COL6A1: variants seen among roughly 807,000 people sequenced by gnomAD.
COL6A1 encodes collagen type VI alpha 1 chain, also known as collagen alpha-1(VI) chain.
COL6A1 carries 80 observed loss-of-function variants against 145.6 expected under a neutral mutation model. The ratio of observed to expected loss-of-function variants is 0.55; its 90% confidence interval spans 0.46 to 0.66. COL6A1 has a LOEUF of 0.66. COL6A1 is among the 30% of genes least tolerant of loss of function. The pLI, the probability that COL6A1 is intolerant of heterozygous loss-of-function variation, is 0.00. For synonymous variants in COL6A1, 638 were observed against 622.8 expected, an observed-to-expected ratio of 1.02 and a Z score of -0.36; for missense variants, 1,364 against 1,473.8, an observed-to-expected ratio of 0.93 and a Z score of 1.22.
Position 45,994,228 on chromosome 21 carries a change from C to G in COL6A1, c.1397C>G (p.Pro466Arg), listed in dbSNP as rs746962124. Residue 466 changes from proline to arginine, a missense_variant and splice_region_variant, in exon 20 of 35, where the codon CCG (proline) becomes CGG (arginine). Pro to Arg is a moderately radical substitution (Grantham distance 103, BLOSUM62 -2). Transcript: ENST00000361866. The surrounding 1 kb of genome is among the most constrained non-coding windows in gnomAD (Gnocchi z 6.8). ...GGCCCCGTTGGTGTCCCTGGAGACC[C>G]GGTAGGAAGCGCTGTGGGGTTGGGG... ...REGPVGVPGD[P>R]GEAGPIGPKG... The G allele has an allele frequency of 3.7e-6, 6 of 1,608,726 alleles. No homozygotes were observed. The Admixed American group carries it at 1.0e-4, about 27-fold the overall frequency.
rs753573923 is a variant in COL6A1 at position 46,003,164 on chromosome 21, G to A, written c.2464+15G>A. 9 of 1,613,994 alleles carry A rather than the reference G, an allele frequency of 5.6e-6. No homozygotes were observed. Among genetic ancestry groups the A allele is most frequent in the South Asian group, 4.4e-5 (4 of 91,084 alleles). ...CACCTGCCCCAGTGAGTACCTCGGC[G>A]GCCGGGACACGTGGGGAGGAGGGCA... is the stretch of plus-strand genomic sequence containing the variant. On this transcript the variant is annotated intron_variant, in intron 34 of 34. Coordinates refer to ENST00000361866, the MANE Select transcript of COL6A1 (RefSeq NM_001848.3).
chr21:46,003,177 G>A, intron 34 of COL6A1, 28 bp downstream of exon 34: 1 of 1,613,962 alleles, frequency 6.2e-7, no homozygotes, highest in Non-Finnish European at 8.5e-7. Context: ...CGGGACACGT[G>A]GGGAGGAGGG....
chr21:46,000,471 T>C (rs1276182769), intron 28 of COL6A1, 104 bp downstream of exon 28: 2 of 1,399,876 alleles, frequency 1.4e-6, no homozygotes, highest in Non-Finnish European at 2.0e-6. Flanking sequence ...CCTGGGTCTC[T>C]GGGTACATCC....
intron 29 of COL6A1, 100 bp from the exon 30 acceptor site, chr21:46,001,153 T>G: frequency 1.3e-6 from 2 of 1,500,858 alleles, no homozygotes; most frequent in African/African-American, 1.4e-5. Context: ...ACGTGTCAGG[T>G]GAGGATGTGG....
At chr21:46,001,440 C>A in intron 30 of COL6A1, 54 bp downstream of exon 30, 1 of 1,597,748 alleles carries the variant, frequency 6.3e-7, no homozygotes, top group South Asian at 1.1e-5. Context: ...CCGACCCTGC[C>A]GGCCGCCCCT....
chr21:45,991,995 C>A lies in COL6A1; in HGVS notation c.1120-15C>A, dbSNP rs1293323730. On this transcript the variant is annotated splice_polypyrimidine_tract_variant and intron_variant, in intron 15 of 34. Transcript: ENST00000361866. ...CACCCCTGCCAGCGTGTGTGACTCC[C>A]CCGGTCTTCCCCAGGGCGAGCCTGG... The A allele has an allele frequency of 1.3e-6, 2 of 1,570,072 alleles. No homozygotes were observed. Among genetic ancestry groups the A allele is most frequent in the Non-Finnish European group, 1.7e-6 (2 of 1,158,280 alleles).
chr21:45,991,957 C>T, intron 15 of COL6A1, 53 bp from the exon 16 acceptor site: 3 of 1,535,162 alleles, frequency 2.0e-6, no homozygotes, highest in South Asian at 2.4e-5. Context: ...CTGATGGCTG[C>T]ACCCCTGGTG....
At position 45,987,564 on chromosome 21, in the gene COL6A1, G is replaced by A. The variant is rs199815872; in HGVS notation, c.759+45G>A. The A allele has an allele frequency of 3.2e-5, 52 of 1,612,740 alleles. 1 individual carries two copies. The African/African-American group carries it at 5.6e-4, about 17-fold the overall frequency. ...CCTGACCCCGCGCCCTGCACCCTGG[G>A]AACCTGAGTCTGGGGTCCTGGCTGA... On this transcript the variant is annotated intron_variant, in intron 7 of 34. Coordinates refer to ENST00000361866, the MANE Select transcript of COL6A1 (RefSeq NM_001848.3).
chr21:46,001,445 G>A (rs1381940787), intron 30 of COL6A1, 59 bp downstream of exon 30: 14 of 1,594,356 alleles, frequency 8.8e-6, no homozygotes, highest in Middle Eastern at 1.7e-4. Context: ...CCTGCCGGCC[G>A]CCCCTGCCCG....
intron 30 of COL6A1, 75 bp from the exon 31 acceptor site, chr21:46,001,886 A>T: frequency 7.4e-7 from 1 of 1,348,398 alleles, no homozygotes; most frequent in Non-Finnish European, 1.0e-6. Flanking sequence ...ACCCGCAGCC[A>T]ATAGAGTCAC....
chr21:45,986,664 G>A lies in COL6A1; in HGVS notation c.567G>A (p.Val189=), dbSNP rs2077740646. The stretch of plus-strand genomic sequence containing the variant: ...ACCTGGGCGTCAAAGTCTTCTCGGT[G>A]GCCATCACACCCGACCACCTGGTAG... ...AKHLGVKVFS[V]AITPDHLEPR... The change falls in exon 4 of 35, where the codon GTG becomes GTA. Residue 189 remains valine (V), a synonymous_variant. Coordinates refer to ENST00000361866, the MANE Select transcript of COL6A1 (RefSeq NM_001848.3). 6.5e-7 allele frequency: 1 copy of A among 1,549,606 alleles called. No individual in the cohort carries two copies. The highest frequency in any genetic ancestry group is 8.7e-7 in the Non-Finnish European group (1 of 1,147,334).
rs1428472482 is a variant in COL6A1, at chr21:45,994,198, G to A, written c.1367G>A (p.Arg456Lys). The change falls in exon 20 of 35, where the codon AGA (arginine) becomes AAA (lysine). Residue 456 changes from arginine (R) to lysine (K), a missense_variant. By Grantham distance (26) the Arg-to-Lys change is conservative (BLOSUM62 2). Transcript: ENST00000361866. This position sits in a 1 kb window ranked among gnomAD's most constrained non-coding sequence, Gnocchi z 6.8. ...GEAGPQGDQG[R>K]EGPVGVPGDP... ...GCTGGCCCGCAGGGTGATCAGGGAAGAGAAGGCCCCGTTGGTGTCCCTGGA... is the reference window on the plus strand; with the variant it reads ...GCTGGCCCGCAGGGTGATCAGGGAAAAGAAGGCCCCGTTGGTGTCCCTGGA... The A allele has an allele frequency of 1.9e-6, 3 of 1,609,112 alleles. No homozygotes were observed. In the African/African-American group the frequency reaches 4.0e-5, roughly 21 times the overall value.
At position 45,986,693 on chromosome 21, in the gene COL6A1, C is replaced by T. The variant is rs398123638; in HGVS notation, c.588+8C>T. 1.2e-5 allele frequency: 19 copies of T among 1,542,192 alleles called. No individual in the cohort carries two copies. Among genetic ancestry groups the T allele is most frequent in the Admixed American group, 2.0e-5 (1 of 50,966 alleles). On this transcript the variant is annotated splice_region_variant and intron_variant, in intron 4 of 34. Coordinates refer to ENST00000361866, the MANE Select transcript of COL6A1 (RefSeq NM_001848.3). ...ATCACACCCGACCACCTGGTAGGCACCGGCCCCCCCCGGCAGATGCCCCCA... is the reference window on the plus strand; with the variant it reads ...ATCACACCCGACCACCTGGTAGGCATCGGCCCCCCCCGGCAGATGCCCCCA...
chr21:45,986,478 A>G, intron 3 of COL6A1, 48 bp from the exon 4 acceptor site: 1 of 1,543,656 alleles, frequency 6.5e-7, no homozygotes, highest in South Asian at 1.2e-5. Context: ...GTCTCCCTCC[A>G]GTTCCCCCAC....
chr21:45,993,405 C>A (rs1026763374), intron 19 of COL6A1, among the ~76,000 whole-genome samples: 1 of 152,214 alleles, frequency 6.6e-6, no homozygotes, highest in African/African-American at 2.4e-5. Flanking sequence ...GCGTCTCAGT[C>A]CCATCCGGCT....
intron 8 of COL6A1, 145 bp from the exon 9 acceptor site, chr21:45,988,939 G>A: frequency 1.1e-6 from 1 of 913,850 alleles, no homozygotes; most frequent in Non-Finnish European, 1.6e-6. Flanking sequence ...CCCAGACCCA[G>A]GCTGACCAGA....
intron 33 of COL6A1, 54 bp from the exon 34 acceptor site, chr21:46,003,066 C>A (rs373794375): frequency 2.5e-6 from 4 of 1,613,244 alleles, no homozygotes; most frequent in South Asian, 1.1e-5. Context: ...CATCTCCTTG[C>A]GGGGTTATAG....
intron 12 of COL6A1, 46 bp downstream of exon 12, chr21:45,990,330 C>T (rs757558071): frequency 2.5e-5 from 40 of 1,612,504 alleles, no homozygotes; most frequent in Admixed American, 5.0e-5. Flanking sequence ...CCCACGGCAG[C>T]ATGTCTGACC....
intron 3 of COL6A1, among the ~76,000 whole-genome samples, chr21:45,984,778 AC>A (rs2075458148): frequency 7.0e-6 from 1 of 142,040 alleles, no homozygotes; most frequent in Non-Finnish European, 1.5e-5. Context: ...ACAAACAGAG[AC>A]AGAGACAGAG....
Sources: allele counts gnomAD v4.1 joint callset (sites outside exome capture counted in the v4.1 genomes callset), GRCh38; gene constraint gnomAD v4.1.1; non-coding constraint Gnocchi (gnomAD v3.1); transcripts MANE v1.5; gene names NCBI Gene and HGNC (gene_info 2026-07-23, HGNC 2026-07-21).